RSRC1: variants seen among roughly 807,000 people sequenced by gnomAD.
RSRC1 encodes the protein arginine and serine rich coiled-coil 1.
A neutral mutation model predicts 49.1 loss-of-function variants in RSRC1; 39 were observed. The observed-to-expected ratio is 0.79, with a 90% CI of 0.61 to 1.04. The LOEUF (loss-of-function observed/expected upper bound fraction) is 1.04, where lower values mean the gene tolerates loss of function less well. RSRC1 is among the 50% of genes least tolerant of loss of function. RSRC1 has a pLI of 0.00. For synonymous variants in RSRC1, 143 were observed against 130.8 expected, an observed-to-expected ratio of 1.09 and a Z score of -0.63; for missense variants, 388 against 402.4, an observed-to-expected ratio of 0.96 and a Z score of 0.31.
chr3:158,526,200 C>G lies in RSRC1; in HGVS notation c.653-10892C>G, dbSNP rs142158640. 9.2e-5 allele frequency among the ~76,000 whole-genome samples: 14 copies of G among 151,926 alleles called. No individual in the cohort carries two copies. In the East Asian group the frequency reaches 2.7e-3, roughly 29 times the overall value. The stretch of plus-strand genomic sequence containing the variant: ...CACATCTTCTACCATCCTCCCTACC[C>G]CACCTCTGTTTAAAGGATCAAAGTT... On this transcript the variant is annotated intron_variant, in intron 7 of 9. Coordinates refer to ENST00000611884, the MANE Select transcript of RSRC1 (RefSeq NM_001271838.2).
intron 6 of RSRC1, among the ~76,000 whole-genome samples, chr3:158,416,264 A>G (rs1416608296): frequency 1.3e-5 from 2 of 151,828 alleles, no homozygotes; most frequent in Non-Finnish European, 2.9e-5. Flanking sequence ...GTTTGAAACT[A>G]TGTCCCCAAA....
chr3:158,429,421 G>A (rs1432900645), intron 6 of RSRC1, among the ~76,000 whole-genome samples: 1 of 108,904 alleles, frequency 9.2e-6, no homozygotes, highest in Non-Finnish European at 2.0e-5. Context: ...CAAAATTTAT[G>A]TATGCGTGTG....
intron 3 of RSRC1, among the ~76,000 whole-genome samples, chr3:158,167,339 C>T (rs960466655): frequency 6.6e-6 from 1 of 152,026 alleles, no homozygotes; most frequent in Non-Finnish European, 1.5e-5. Flanking sequence ...GGCACATGCA[C>T]ACCACCACAC....
chr3:158,418,361 G>A lies in RSRC1; in HGVS notation c.584-42574G>A, dbSNP rs908051323. On this transcript the variant is annotated intron_variant, in intron 6 of 9. Coordinates refer to ENST00000611884, the MANE Select transcript of RSRC1 (RefSeq NM_001271838.2). ...ATCTAGTTAAAACCTGTTCTATCTG[G>A]AGAAACAGGGAGAATACTTGTTTTT... is the stretch of plus-strand genomic sequence containing the variant. Among the ~76,000 whole-genome samples the A allele has an allele frequency of 1.1e-4, 16 of 151,982 alleles. 1 individual carries two copies. Among genetic ancestry groups the A allele is most frequent in the Middle Eastern group, 6.8e-3 (2 of 294 alleles).
intron 7 of RSRC1, among the ~76,000 whole-genome samples, chr3:158,498,232 C>CT (rs56014045): frequency 0.21 from 30,100 of 142,654 alleles, 3,440 homozygotes; most frequent in South Asian, 0.3. Flanking sequence ...ATGCCAACAT[C>CT]TTTTTTTTTT....
chr3:158,370,704 T>C (rs1436606478), intron 6 of RSRC1, among the ~76,000 whole-genome samples: 1 of 151,948 alleles, frequency 6.6e-6, no homozygotes, highest in African/African-American at 2.4e-5. Context: ...GAGTAAAGCT[T>C]ATATGGATGT....
chr3:158,123,152 C>T (rs971341682), intron 2 of RSRC1, among the ~76,000 whole-genome samples: 1 of 152,136 alleles, frequency 6.6e-6, no homozygotes, highest in African/African-American at 2.4e-5. Context: ...GGATTCCAGG[C>T]ATGCACCACT....
intron 6 of RSRC1, among the ~76,000 whole-genome samples, chr3:158,365,674 T>G (rs1472770509): frequency 1.3e-5 from 2 of 152,192 alleles, no homozygotes; most frequent in Admixed American, 6.5e-5. Context: ...GTAATGGGAT[T>G]GCTGGGTCAA....
intron 4 of RSRC1, among the ~76,000 whole-genome samples, chr3:158,229,741 C>T (rs922392423): frequency 1.1e-4 from 16 of 147,194 alleles, no homozygotes; most frequent in African/African-American, 3.8e-4. Context: ...CAATTGTTTA[C>T]ATTTTGCCCC....
At chr3:158,342,051 A>ATTGTCTC (rs1459889101) in intron 5 of RSRC1, among the ~76,000 whole-genome samples, 2 of 152,148 alleles carry the variant, frequency 1.3e-5, no homozygotes, top group East Asian at 3.9e-4. Context: ...CTGTACCCAC[A>ATTGTCTC]TTGTATCTGG....
chr3:158,427,387 C>T (rs1445400194), intron 6 of RSRC1, among the ~76,000 whole-genome samples: 2 of 151,712 alleles, frequency 1.3e-5, no homozygotes, highest in Non-Finnish European at 2.9e-5. Context: ...TTCAAAATCC[C>T]AACAGGATTA....
intron 4 of RSRC1, 23 bp from the exon 5 acceptor site, chr3:158,298,015 AG>A: frequency 6.4e-7 from 1 of 1,561,288 alleles, no homozygotes; most frequent in East Asian, 2.3e-5. Context: ...GCAACTATTT[AG>A]AACTTTTACT....
At chr3:158,140,940 C>T (rs1438376568) in intron 3 of RSRC1, among the ~76,000 whole-genome samples, 1 of 152,250 alleles carries the variant, frequency 6.6e-6, no homozygotes, top group Non-Finnish European at 1.5e-5. Context: ...GGAATATTGA[C>T]TATGGAAGCA....
At chr3:158,504,334 C>G (rs1258502386) in intron 7 of RSRC1, among the ~76,000 whole-genome samples, 1 of 152,208 alleles carries the variant, frequency 6.6e-6, no homozygotes, top group Non-Finnish European at 1.5e-5. Context: ...ATTCACAATG[C>G]AAGCCTCTGT....
At chr3:158,320,214 T>G (rs1728685230) in intron 5 of RSRC1, among the ~76,000 whole-genome samples, 1 of 152,170 alleles carries the variant, frequency 6.6e-6, no homozygotes, top group Non-Finnish European at 1.5e-5. Flanking sequence ...GAAGTTACTC[T>G]TACTTTGACC....
intron 6 of RSRC1, among the ~76,000 whole-genome samples, chr3:158,424,312 C>T (rs2108344554): frequency 6.6e-6 from 1 of 151,810 alleles, no homozygotes; most frequent in East Asian, 1.9e-4. Context: ...TTGTCAAAGG[C>T]CTTTTCTGCA....
intron 3 of RSRC1, among the ~76,000 whole-genome samples, chr3:158,127,123 G>C (rs935056161): frequency 3.3e-5 from 5 of 151,992 alleles, no homozygotes; most frequent in Admixed American, 3.3e-4. Flanking sequence ...CTTCACTCTT[G>C]AAGTGAAAGG....
chr3:158,334,679 G>GTGTGTGTGTGTGTGTGTA, intron 5 of RSRC1, among the ~76,000 whole-genome samples: 1 of 144,922 alleles, frequency 6.9e-6, no homozygotes, highest in African/African-American at 2.5e-5. Context: ...GTGTGTGTGT[G>GTGTGTGTGTGTGTGTGTA]TGTGTGTATG....
chr3:158,296,413 A>T (rs1727242636), intron 4 of RSRC1, among the ~76,000 whole-genome samples: 1 of 151,734 alleles, frequency 6.6e-6, no homozygotes, highest in South Asian at 2.1e-4. Context: ...TGATGGGAGG[A>T]AGACTTAATT....
Sources: allele counts gnomAD v4.1 joint callset (sites outside exome capture counted in the v4.1 genomes callset), GRCh38; gene constraint gnomAD v4.1.1; transcripts MANE v1.5; gene names NCBI Gene and HGNC (gene_info 2026-07-23, HGNC 2026-07-21).